The following CIMIP6 variants were observed in gnomAD, a reference collection of about 807,000 sequenced individuals.
The protein encoded by CIMIP6 is ciliary microtubule inner protein 6.
chr2:54,335,807 C>G, the CIMIP6 span, among the ~76,000 whole-genome samples: 2 of 152,174 alleles, frequency 1.3e-5, no homozygotes, highest in African/African-American at 4.8e-5. Context: ...TCTGTGGGCT[C>G]TAAGGGTGGA....
chr2:54,355,854 T>C, the CIMIP6 span, among the ~76,000 whole-genome samples: 1 of 152,238 alleles, frequency 6.6e-6, no homozygotes. Context: ...AAATTCTTGG[T>C]ATATTGGTTC....
the CIMIP6 span, among the ~76,000 whole-genome samples, chr2:54,352,198 C>T: frequency 1.3e-5 from 2 of 152,164 alleles, no homozygotes; most frequent in East Asian, 3.9e-4. Context: ...TATTTAATCC[C>T]AAAGTTTCCC....
chr2:54,340,964 C>CA, the CIMIP6 span, among the ~76,000 whole-genome samples: 1 of 151,806 alleles, frequency 6.6e-6, no homozygotes, highest in Non-Finnish European at 1.5e-5. Context: ...GACCCTGGCT[C>CA]AAAAAAATAA....
chr2:54,374,592 T>A, the CIMIP6 span, among the ~76,000 whole-genome samples: 1 of 152,226 alleles, frequency 6.6e-6, no homozygotes. Context: ...ATCAACCAGG[T>A]CTTCACATTT....
the CIMIP6 span, among the ~76,000 whole-genome samples, chr2:54,337,840 G>C: frequency 6.6e-5 from 10 of 152,162 alleles, no homozygotes; most frequent in Admixed American, 5.2e-4. Flanking sequence ...TATGAATGAG[G>C]AGAGTTACAG....
chr2:54,345,446 A>G, the CIMIP6 span, among the ~76,000 whole-genome samples: 1 of 152,184 alleles, frequency 6.6e-6, no homozygotes, highest in African/African-American at 2.4e-5. Flanking sequence ...TAGGGAGGAT[A>G]TCTTTTACGT....
At chr2:54,374,016 T>C in the CIMIP6 span, among the ~76,000 whole-genome samples, 1 of 152,244 alleles carries the variant, frequency 6.6e-6, no homozygotes, top group South Asian at 2.1e-4. Context: ...GTCATATTTA[T>C]TCCTGGCTAT....
the CIMIP6 span, among the ~76,000 whole-genome samples, chr2:54,373,317 G>A: frequency 1.2e-4 from 16 of 132,576 alleles, no homozygotes; most frequent in Admixed American, 9.6e-4. Flanking sequence ...TCATGCTGCC[G>A]CCTGGGCTGC....
At chr2:54,382,918 A>T in the CIMIP6 span, 1 of 152,178 alleles carries the variant, frequency 6.6e-6, no homozygotes, top group African/African-American at 2.4e-5. Flanking sequence ...TTCTCTTCTA[A>T]TGAACAAATA....
At chr2:54,352,475 T>C in the CIMIP6 span, among the ~76,000 whole-genome samples, 1 of 152,216 alleles carries the variant, frequency 6.6e-6, no homozygotes, top group South Asian at 2.1e-4. Context: ...CAAAACATCC[T>C]TACAACATGA....
At chr2:54,355,860 G>A in the CIMIP6 span, among the ~76,000 whole-genome samples, 2 of 151,842 alleles carry the variant, frequency 1.3e-5, no homozygotes, top group Non-Finnish European at 2.9e-5. Flanking sequence ...TTGGTATATT[G>A]GTTCTGATAA....
chr2:54,380,951 C>T, the CIMIP6 span, among the ~76,000 whole-genome samples: 9 of 152,188 alleles, frequency 5.9e-5, no homozygotes, highest in Non-Finnish European at 1.0e-4. Context: ...AATGCCGAAA[C>T]GCCTTGGGTG....
chr2:54,353,303 C>A, the CIMIP6 span, among the ~76,000 whole-genome samples: 1 of 152,076 alleles, frequency 6.6e-6, no homozygotes, highest in African/African-American at 2.4e-5. Flanking sequence ...AATACTTGGT[C>A]GTGGGGTGAG....
the CIMIP6 span, chr2:54,382,079 A>C: frequency 7.3e-6 from 10 of 1,374,982 alleles, no homozygotes; most frequent in South Asian, 1.8e-5. Flanking sequence ...GAACTTAATA[A>C]AGTCAGTCTG....
At chr2:54,375,235 A>G in the CIMIP6 span, among the ~76,000 whole-genome samples, 443 of 152,320 alleles carry the variant, frequency 2.9e-3, 5 homozygotes, top group African/African-American at 9.9e-3. Flanking sequence ...AAATATTTGT[A>G]AGATAACAAA....
chr2:54,376,041 T>G, the CIMIP6 span, among the ~76,000 whole-genome samples: 1 of 152,200 alleles, frequency 6.6e-6, no homozygotes, highest in Non-Finnish European at 1.5e-5. Context: ...TTAACATTTT[T>G]GGTTTTGTTC....
chr2:54,354,763 C>A, the CIMIP6 span, among the ~76,000 whole-genome samples: 9 of 151,770 alleles, frequency 5.9e-5, no homozygotes, highest in Non-Finnish European at 1.2e-4. Context: ...ATTATATTAC[C>A]TACAATTACT....
chr2:54,342,611 G>A, the CIMIP6 span, among the ~76,000 whole-genome samples: 5 of 149,106 alleles, frequency 3.4e-5, no homozygotes, highest in Non-Finnish European at 5.9e-5. Context: ...CAGCCACATA[G>A]GTTTTTTTTT....
At chr2:54,341,753 C>T in the CIMIP6 span, among the ~76,000 whole-genome samples, 5 of 152,226 alleles carry the variant, frequency 3.3e-5, no homozygotes, top group African/African-American at 1.2e-4. Context: ...GATGTGCCTG[C>T]CTCATAGAAT....
Sources: gnomAD v4.1 joint callset for allele counts (sites outside exome capture counted in the v4.1 genomes callset) on GRCh38, gnomAD v4.1.1 for gene constraint, MANE v1.5 for transcripts, NCBI Gene and HGNC (gene_info 2026-07-23, HGNC 2026-07-21) for gene names.